The following SMIM14 variants were observed in gnomAD, a reference collection of about 807,000 sequenced individuals.
SMIM14 encodes the protein chromosome 4 open reading frame 34.
In SMIM14, 5 loss-of-function variants were observed where a neutral mutation model predicts 12.6. The observed-to-expected ratio is 0.40, with a 90% CI of 0.21 to 0.83. SMIM14 has a LOEUF of 0.83. Ranked by LOEUF, SMIM14 falls within the 40% of genes least tolerant of loss-of-function variation. The probability of loss-of-function intolerance (pLI) is 0.37; values close to 1 mark genes in which losing one functional copy is unlikely to be tolerated. For missense variants in SMIM14, 86 were observed against 119.1 expected (o/e 0.72, Z 1.29); for synonymous variants, 30 against 40.1 (o/e 0.75, Z 0.95).
intron 1 of SMIM14, among the ~76,000 whole-genome samples, chr4:39,631,747 A>G (rs906423600): frequency 2.0e-5 from 3 of 152,228 alleles, no homozygotes; most frequent in Non-Finnish European, 1.5e-5. Flanking sequence ...TACCAGGAAG[A>G]TGCTTACTGC....
chr4:39,596,099 T>G (rs942314650), intron 2 of SMIM14, among the ~76,000 whole-genome samples: 1 of 152,104 alleles, frequency 6.6e-6, no homozygotes, highest in Non-Finnish European at 1.5e-5. Flanking sequence ...GTGCCTTTTT[T>G]TCTTTCTTTC....
intron 2 of SMIM14, among the ~76,000 whole-genome samples, chr4:39,595,514 C>T (rs1319428030): frequency 3.3e-5 from 5 of 151,770 alleles, no homozygotes; most frequent in Admixed American, 3.3e-4. Flanking sequence ...TGTAACTAAC[C>T]TGCACATTGT....
At chr4:39,626,809 G>C (rs559624372) in intron 1 of SMIM14, among the ~76,000 whole-genome samples, 2 of 151,404 alleles carry the variant, frequency 1.3e-5, no homozygotes, top group African/African-American at 4.8e-5. Flanking sequence ...AGGTCAGAGA[G>C]AATTTCCTCA....
chr4:39,613,787 G>A (rs1315890959), intron 1 of SMIM14, among the ~76,000 whole-genome samples: 2 of 152,120 alleles, frequency 1.3e-5, no homozygotes, highest in Non-Finnish European at 1.5e-5. Flanking sequence ...TAATACCAAA[G>A]TCACGGGGGG....
intron 2 of SMIM14, among the ~76,000 whole-genome samples, chr4:39,590,976 T>C (rs1013270543): frequency 1.3e-5 from 2 of 152,148 alleles, no homozygotes; most frequent in Non-Finnish European, 2.9e-5. Flanking sequence ...ACTAAATCTC[T>C]AATTAAAGTA....
intron 2 of SMIM14, among the ~76,000 whole-genome samples, chr4:39,573,635 G>C (rs1713013580): frequency 6.6e-6 from 1 of 152,102 alleles, no homozygotes; most frequent in South Asian, 2.1e-4. Context: ...CTAAACTGTA[G>C]AGAACTAGAA....
chr4:39,593,064 T>A (rs1714185574), intron 2 of SMIM14: 1 of 151,900 alleles, frequency 6.6e-6, no homozygotes, highest in African/African-American at 2.4e-5. Context: ...GAGGCCAGCA[T>A]CATCCTGATA....
intron 1 of SMIM14, among the ~76,000 whole-genome samples, chr4:39,629,249 T>C (rs1369767015): frequency 6.7e-6 from 1 of 149,372 alleles, no homozygotes; most frequent in Non-Finnish European, 1.5e-5. Context: ...TAATCCCAGC[T>C]ACTTGGGAGG....
chr4:39,596,563 A>C (rs534672302), intron 2 of SMIM14, among the ~76,000 whole-genome samples: 2 of 152,316 alleles, frequency 1.3e-5, no homozygotes, highest in South Asian at 4.1e-4. Flanking sequence ...ATCTGTAAAA[A>C]GAAATCCTAG....
At chr4:39,609,429 T>A (rs2110062771) in intron 1 of SMIM14, among the ~76,000 whole-genome samples, 1 of 151,548 alleles carries the variant, frequency 6.6e-6, no homozygotes, top group Non-Finnish European at 1.5e-5. Flanking sequence ...TAACTAGAAG[T>A]TGAGAGTGAA....
At chr4:39,636,173 CAAAA>C (rs749292775) in intron 1 of SMIM14, among the ~76,000 whole-genome samples, 21,068 of 75,666 alleles carry the variant, frequency 0.28, 2,668 homozygotes, top group Middle Eastern at 0.41. Flanking sequence ...CTCCATCTCC[CAAAA>C]AAAAAAAAAA....
chr4:39,630,419 A>C (rs1176755233), intron 1 of SMIM14, among the ~76,000 whole-genome samples: 1 of 152,172 alleles, frequency 6.6e-6, no homozygotes, highest in African/African-American at 2.4e-5. Context: ...AATAAAAATG[A>C]AAGAAGCGGA....
At chr4:39,574,150 GGCAACTATGGTGCAGTAGT>G (rs1352165762) in intron 2 of SMIM14, among the ~76,000 whole-genome samples, 1 of 151,776 alleles carries the variant, frequency 6.6e-6, no homozygotes, top group Non-Finnish European at 1.5e-5. Flanking sequence ...TGTTTGGGAC[GGCAACTATGGTGCAGTAGT>G]GCTTAGATGG....
chr4:39,595,219 C>G (rs1714303240), intron 2 of SMIM14, among the ~76,000 whole-genome samples: 1 of 150,720 alleles, frequency 6.6e-6, no homozygotes, highest in African/African-American at 2.4e-5. Flanking sequence ...GAATACTATG[C>G]AGCCATCAAA....
intron 2 of SMIM14, among the ~76,000 whole-genome samples, chr4:39,592,216 TATAGATAG>T (rs770527840): frequency 6.7e-6 from 1 of 150,084 alleles, no homozygotes; most frequent in Non-Finnish European, 1.5e-5. Context: ...AAAGGAAAAA[TATAGATAG>T]ATAGACAGAT....
chr4:39,621,864 T>C (rs1422809621), intron 1 of SMIM14, among the ~76,000 whole-genome samples: 1 of 149,434 alleles, frequency 6.7e-6, no homozygotes, highest in Admixed American at 6.7e-5. Flanking sequence ...TTTTTTTAAG[T>C]AGAGACGGGG....
At chr4:39,563,209 C>T (rs778536417) in intron 3 of SMIM14, among the ~76,000 whole-genome samples, 14 of 151,996 alleles carry the variant, frequency 9.2e-5, no homozygotes, top group Non-Finnish European at 1.6e-4. Flanking sequence ...TACAGGTGCT[C>T]GCCTCCACAC....
In SMIM14 at chr4:39,580,815, G is replaced by A. The variant is rs541092615; in HGVS notation, c.76-8352C>T. ...GCTGGGATTACAGGTGTGAGCTACC[G>A]CACCCAGCCCCTGTCTCTGTTTCTA... On this transcript the variant is annotated intron_variant, in intron 2 of 4. Transcript: ENST00000295958. Among the ~76,000 whole-genome samples, 13 of 152,048 alleles carry A rather than the reference G, an allele frequency of 8.5e-5. No homozygotes were observed. The South Asian group carries it at 2.5e-3, about 29-fold the overall frequency.
chr4:39,603,730 G>T (rs1427653623), intron 2 of SMIM14, among the ~76,000 whole-genome samples: 1 of 151,906 alleles, frequency 6.6e-6, no homozygotes, highest in African/African-American at 2.4e-5. Context: ...CTTTACATAG[G>T]CCAGGCGCAG....
Sources: allele counts gnomAD v4.1 joint callset (sites outside exome capture counted in the v4.1 genomes callset), GRCh38; gene constraint gnomAD v4.1.1; transcripts MANE v1.5; gene names NCBI Gene and HGNC (gene_info 2026-07-23, HGNC 2026-07-21).